Variants in PTK2B observed in about 807,000 individuals in gnomAD.
The protein encoded by PTK2B is protein tyrosine kinase 2 beta, also known as protein-tyrosine kinase 2-beta.
In PTK2B, 71 loss-of-function variants were observed where a neutral mutation model predicts 142.9. That is an observed-to-expected ratio of 0.50 (90% CI 0.41 to 0.61). The LOEUF is 0.61. PTK2B is among the 20% of genes least tolerant of loss of function. The probability of loss-of-function intolerance (pLI) is 0.00; values close to 1 mark genes in which losing one functional copy is unlikely to be tolerated. For missense variants in PTK2B, 1,105 were observed against 1,320.4 expected, an observed-to-expected ratio of 0.84 and a Z score of 2.53; for synonymous variants, 519 against 503.4, an observed-to-expected ratio of 1.03 and a Z score of -0.42.
chr8:27,430,126 T>C lies in PTK2B; in HGVS notation c.585T>C (p.Leu195=). The part of the protein sequence containing the change: ...RFFKDMPHNA[L]DKKSNFELLE... ...TCAAGGATATGCCCCACAATGCACT[T>C]GACAAGAAGTCCAACTTCGAGCTCC... Residue 195 remains leucine (L), a synonymous_variant, in exon 6 of 31, where the codon CTT becomes CTC. Transcript: ENST00000346049. 1 of 1,614,018 alleles carries C rather than the reference T, an allele frequency of 6.2e-7. No individual in the cohort carries two copies. Among genetic ancestry groups the C allele is most frequent in the Non-Finnish European group, 8.5e-7 (1 of 1,179,894 alleles).
chr8:27,382,476 A>G (rs959860084), intron 1 of PTK2B, among the ~76,000 whole-genome samples: 1 of 151,756 alleles, frequency 6.6e-6, no homozygotes, highest in Non-Finnish European at 1.5e-5. Context: ...CCCATTTGTC[A>G]TTGGGAGGTC....
At chr8:27,374,603 G>A (rs1418714788) in intron 1 of PTK2B, among the ~76,000 whole-genome samples, 1 of 152,194 alleles carries the variant, frequency 6.6e-6, no homozygotes, top group African/African-American at 2.4e-5. Flanking sequence ...CCAGTTACCT[G>A]GTACCTACTC....
At chr8:27,377,860 G>A (rs980699957) in intron 1 of PTK2B, among the ~76,000 whole-genome samples, 1 of 152,132 alleles carries the variant, frequency 6.6e-6, no homozygotes, top group African/African-American at 2.4e-5. Flanking sequence ...AGAAGGTTCT[G>A]GAAAATGTAA....
In PTK2B at chr8:27,378,597, T is replaced by TTG. The variant is rs1358569823; in HGVS notation, c.-37-18950_-37-18949insGT. On this transcript the variant is annotated intron_variant, in intron 1 of 30. Transcript: ENST00000346049. ...ATTCAAGAGTATAAAATCTTACAGC[T>TTG]TATCTGTGTGTGTGTGTGTGTGTGT... 2.2e-5 allele frequency among the ~76,000 whole-genome samples: 3 copies of TTG among 138,000 alleles called. No individual in the cohort carries two copies. In the Admixed American group the frequency reaches 2.3e-4, roughly 11 times the overall value. 90.5% of individuals were successfully genotyped at this position (138,000 alleles called of 152,430 possible).
intron 19 of PTK2B, 83 bp downstream of exon 19, chr8:27,439,214 G>A (rs1810995168): frequency 6.4e-7 from 1 of 1,563,956 alleles, no homozygotes; most frequent in African/African-American, 1.4e-5. Flanking sequence ...TCTACAGTTG[G>A]ACAGCCCAGG....
At chr8:27,429,427 CAG>C (rs1480580994) in intron 5 of PTK2B, among the ~76,000 whole-genome samples, 1 of 152,170 alleles carries the variant, frequency 6.6e-6, no homozygotes, top group Non-Finnish European at 1.5e-5. Flanking sequence ...GTGGCCCAGA[CAG>C]GGAAGGGAGG....
chr8:27,378,854 G>T (rs1233911877), intron 1 of PTK2B, among the ~76,000 whole-genome samples: 1 of 152,130 alleles, frequency 6.6e-6, no homozygotes, highest in African/African-American at 2.4e-5. Context: ...GCTGCCTCTT[G>T]TCTGTGGTGA....
At chr8:27,446,435 A>AG (rs1811474709) in intron 24 of PTK2B, among the ~76,000 whole-genome samples, 1 of 152,168 alleles carries the variant, frequency 6.6e-6, no homozygotes, top group Non-Finnish European at 1.5e-5. Flanking sequence ...TTAACTGGCT[A>AG]GAGCAGGGAC....
chr8:27,361,878 G>A (rs1452627788), intron 1 of PTK2B, among the ~76,000 whole-genome samples: 1 of 152,230 alleles, frequency 6.6e-6, no homozygotes, highest in South Asian at 2.1e-4. Context: ...TGATAACCCC[G>A]ATGATGCAGA....
chr8:27,366,986 G>A (rs1405422476), intron 1 of PTK2B, among the ~76,000 whole-genome samples: 1 of 152,168 alleles, frequency 6.6e-6, no homozygotes, highest in South Asian at 2.1e-4. Context: ...ATGTGAGGAG[G>A]TAGAAGGTGC....
intron 7 of PTK2B, 112 bp downstream of exon 7, chr8:27,430,530 C>T (rs1810344831): frequency 1.4e-6 from 2 of 1,411,896 alleles, no homozygotes; most frequent in South Asian, 1.2e-5. Flanking sequence ...TGCGCGGCCT[C>T]GGGCATTTGG....
chr8:27,329,378 C>T (rs1480545093), intron 1 of PTK2B, among the ~76,000 whole-genome samples: 10 of 152,160 alleles, frequency 6.6e-5, no homozygotes, highest in Admixed American at 6.5e-4. Flanking sequence ...GCACTTAGCT[C>T]TCCATAGTGA....
intron 1 of PTK2B, among the ~76,000 whole-genome samples, chr8:27,345,125 T>C (rs1804637968): frequency 2.0e-5 from 3 of 152,174 alleles, no homozygotes; most frequent in Admixed American, 1.3e-4. Context: ...ATGGCGCCAC[T>C]GCACTCCAGC....
intron 1 of PTK2B, among the ~76,000 whole-genome samples, chr8:27,394,300 C>A (rs1212188175): frequency 2.6e-5 from 4 of 152,162 alleles, no homozygotes; most frequent in African/African-American, 9.7e-5. Context: ...TTTACTTACA[C>A]AAACCTAGAT....
exon 1 of PTK2B, chr8:27,311,567 G>A (rs1372075503): frequency 5.4e-6 from 2 of 371,668 alleles, no homozygotes; most frequent in Non-Finnish European, 4.8e-6. Context: ...GGGCTTCCGT[G>A]TTACTGGAAA....
chr8:27,424,119 G>A (rs1003586323), intron 5 of PTK2B, among the ~76,000 whole-genome samples: 7 of 152,140 alleles, frequency 4.6e-5, no homozygotes, highest in South Asian at 2.1e-4. Flanking sequence ...TAGACAAGTC[G>A]AAAAAGCTTA....
chr8:27,458,458 T>C lies in PTK2B; in HGVS notation c.2979T>C (p.Ala993=), dbSNP rs756294700. 1 of 1,601,978 alleles carries C rather than the reference T, an allele frequency of 6.2e-7. No homozygotes were observed. The highest frequency in any genetic ancestry group is 1.1e-5 in the South Asian group (1 of 89,272). The change falls in exon 31 of 31, where the codon GCT becomes GCC. Residue 993 remains alanine, a synonymous_variant. Transcript: ENST00000346049. The part of the protein sequence containing the change: ...LAVDAKNLLD[A]VDQAKVLANL... Reference sequence around the variant, plus strand: ...TGGACGCCAAGAACCTGCTCGACGCTGTGGACCAGGCCAAGGTTCTGGCCA... The same window carrying C: ...TGGACGCCAAGAACCTGCTCGACGCCGTGGACCAGGCCAAGGTTCTGGCCA...
intron 2 of PTK2B, 119 bp downstream of exon 2, chr8:27,397,907 G>A: frequency 8.0e-7 from 1 of 1,251,394 alleles, no homozygotes. Context: ...TGGAAGAGGT[G>A]AGGTGGCATC....
intron 1 of PTK2B, among the ~76,000 whole-genome samples, chr8:27,370,070 T>C (rs958185730): frequency 3.3e-5 from 5 of 152,236 alleles, no homozygotes; most frequent in Non-Finnish European, 7.3e-5. Flanking sequence ...GAAGATGTGT[T>C]GGGCTCAGGG....
Sources: allele counts gnomAD v4.1 joint callset (sites outside exome capture counted in the v4.1 genomes callset), GRCh38; gene constraint gnomAD v4.1.1; transcripts MANE v1.5; gene names NCBI Gene and HGNC (gene_info 2026-07-23, HGNC 2026-07-21).